ACO1: variants seen among roughly 807,000 people sequenced by gnomAD.
ACO1 encodes the protein aconitase 1.
A neutral mutation model predicts 105.1 loss-of-function variants in ACO1; 78 were observed. That is an observed-to-expected ratio of 0.74 (90% confidence interval 0.62 to 0.90). The LOEUF (loss-of-function observed/expected upper bound fraction) is 0.90, where lower values mean the gene tolerates loss of function less well. ACO1 is among the 40% of genes least tolerant of loss of function. The probability of loss-of-function intolerance (pLI) is 0.00; values close to 1 mark genes in which losing one functional copy is unlikely to be tolerated. For synonymous variants in ACO1, 364 were observed against 397.4 expected (o/e 0.92, Z 1.00); for missense variants, 965 against 1,111.1 (o/e 0.87, Z 1.87).
intron 16 of ACO1, among the ~76,000 whole-genome samples, 192 bp from the exon 17 acceptor site, chr9:32,434,367 A>T (rs1271585101): frequency 6.6e-6 from 1 of 152,218 alleles, no homozygotes; most frequent in Non-Finnish European, 1.5e-5. Context: ...CAAGAGTAAG[A>T]TATGAATGTT....
At position 32,425,821 on chromosome 9, in the gene ACO1, AT is replaced by A. The variant is rs772543828; in HGVS notation, c.1189-11del. On this transcript the variant is annotated splice_polypyrimidine_tract_variant and intron_variant, in intron 10 of 20. Coordinates refer to ENST00000309951, the MANE Select transcript of ACO1 (RefSeq NM_002197.3). ...ATAAATATATTCCTATATAATATAC[AT>A]TTTTTCTTCCTTTAGCAAGGATTTA... 1.8e-5 allele frequency: 28 copies of A among 1,576,172 alleles called. No individual in the cohort carries two copies. The highest frequency in any genetic ancestry group is 2.2e-5 in the Non-Finnish European group (25 of 1,151,760).
At chr9:32,409,795 C>A (rs1401486875) in intron 4 of ACO1, among the ~76,000 whole-genome samples, 1 of 151,732 alleles carries the variant, frequency 6.6e-6, no homozygotes, top group Non-Finnish European at 1.5e-5. Context: ...TTAGGCCATG[C>A]ATACCAGTTG....
chr9:32,414,835 T>G (rs913264703), intron 4 of ACO1, among the ~76,000 whole-genome samples: 1 of 152,154 alleles, frequency 6.6e-6, no homozygotes, highest in Non-Finnish European at 1.5e-5. Context: ...ATTAAATCCA[T>G]TTAGCAGATC....
intron 19 of ACO1, among the ~76,000 whole-genome samples, chr9:32,448,615 C>G (rs1822676790): frequency 6.6e-6 from 1 of 152,180 alleles, no homozygotes; most frequent in African/African-American, 2.4e-5. Context: ...GAGGAAGTTT[C>G]CTGACCCTTT....
At position 32,436,397 on chromosome 9, in the gene ACO1, C is replaced by T. The variant is rs765073565; in HGVS notation, c.2247C>T (p.Ile749=). The change falls in exon 18 of 21, where the codon ATC becomes ATT. Residue 749 remains isoleucine, a splice_region_variant and synonymous_variant. Transcript: ENST00000309951. ...PQTIHLPSGE[I]LDVFDAAERY... ...CTATCCATCTGCCTTCTGGGGAAATCGTGAGTATTGTCTTCTGCTTCCTGC... is the reference window on the plus strand; with the variant it reads ...CTATCCATCTGCCTTCTGGGGAAATTGTGAGTATTGTCTTCTGCTTCCTGC... 30 of 1,613,780 alleles carry T rather than the reference C, an allele frequency of 1.9e-5. No individual in the cohort carries two copies. The highest frequency in any genetic ancestry group is 4.0e-5 in the African/African-American group (3 of 74,922).
intron 18 of ACO1, 21 bp from the exon 19 acceptor site, chr9:32,440,444 A>T (rs1181331280): frequency 1.9e-6 from 3 of 1,612,946 alleles, no homozygotes; most frequent in Non-Finnish European, 2.5e-6. Context: ...CATCTGTAAA[A>T]CTTCCTTTTC....
chr9:32,396,372 C>A (rs998137307), intron 1 of ACO1, among the ~76,000 whole-genome samples: 1 of 152,138 alleles, frequency 6.6e-6, no homozygotes, highest in Non-Finnish European at 1.5e-5. Flanking sequence ...CTACAAACAC[C>A]TAGCTGTACA....
Position 32,439,529 on chromosome 9 carries a change from A to G in ACO1, c.2248-936A>G, listed in dbSNP as rs1034380201. Among the ~76,000 whole-genome samples the G allele has an allele frequency of 6.6e-6, 1 of 152,236 alleles. No individual in the cohort carries two copies. Among genetic ancestry groups the G allele is most frequent in the Non-Finnish European group, 1.5e-5 (1 of 68,040 alleles). On this transcript the variant is annotated intron_variant, in intron 18 of 20. Transcript: ENST00000309951. The surrounding 1 kb of genome is among the most constrained non-coding windows in gnomAD (Gnocchi z 4.0). The stretch of plus-strand genomic sequence containing the variant: ...CTGCTCAACCACCAGAGATGATATC[A>G]TGTCTTTGTAAAGTCTCAGTTCAGT...
intron 12 of ACO1, among the ~76,000 whole-genome samples, chr9:32,428,402 A>G (rs375720215): frequency 1.8e-4 from 27 of 152,226 alleles, no homozygotes; most frequent in African/African-American, 6.0e-4. Flanking sequence ...TTCAGGGGCA[A>G]TAACATCCAT....
intron 4 of ACO1, among the ~76,000 whole-genome samples, chr9:32,414,262 G>A (rs556556331): frequency 1.3e-5 from 2 of 152,294 alleles, no homozygotes; most frequent in South Asian, 4.1e-4. Flanking sequence ...GTAATTCTCA[G>A]AAACTGAACT....
chr9:32,388,505 G>A (rs1214753581), intron 1 of ACO1, among the ~76,000 whole-genome samples: 2 of 152,024 alleles, frequency 1.3e-5, no homozygotes, highest in African/African-American at 2.4e-5. Context: ...CTCCAGCCTG[G>A]GCAATAGAGT....
chr9:32,437,946 A>C (rs190555599), intron 18 of ACO1, among the ~76,000 whole-genome samples: 2 of 152,268 alleles, frequency 1.3e-5, no homozygotes, highest in Admixed American at 1.3e-4. Context: ...TTAAAAAGAG[A>C]ACAGAAAAAA....
chr9:32,388,091 A>C (rs570127017), intron 1 of ACO1, among the ~76,000 whole-genome samples: 7 of 151,756 alleles, frequency 4.6e-5, no homozygotes, highest in Admixed American at 3.3e-4. Flanking sequence ...CTTATTCCCA[A>C]CTCCCTCCCT....
At chr9:32,417,458 G>C (rs985547686) in intron 4 of ACO1, among the ~76,000 whole-genome samples, 6 of 152,162 alleles carry the variant, frequency 3.9e-5, no homozygotes, top group Admixed American at 3.9e-4. Context: ...TTGTGACTAT[G>C]ACTTATTCTA....
At chr9:32,426,670 G>A (rs1249182389) in intron 11 of ACO1, among the ~76,000 whole-genome samples, 1 of 152,124 alleles carries the variant, frequency 6.6e-6, no homozygotes, top group African/African-American at 2.4e-5. Context: ...GAGCAAACCA[G>A]TCTTCTGTAG....
chr9:32,388,290 C>A (rs1373595782), intron 1 of ACO1, among the ~76,000 whole-genome samples: 1 of 152,196 alleles, frequency 6.6e-6, no homozygotes, highest in Non-Finnish European at 1.5e-5. Flanking sequence ...GTAATCCCAG[C>A]ACTTTGAGAG....
chr9:32,400,553 T>C (rs560106634), intron 1 of ACO1, among the ~76,000 whole-genome samples: 5 of 152,300 alleles, frequency 3.3e-5, no homozygotes, highest in African/African-American at 7.2e-5. Context: ...TCTGGAGTTA[T>C]AGTCACAAAT....
intron 4 of ACO1, among the ~76,000 whole-genome samples, chr9:32,413,884 T>C (rs1274478893): frequency 6.6e-6 from 1 of 152,070 alleles, no homozygotes; most frequent in Non-Finnish European, 1.5e-5. Context: ...GCACGGTGGC[T>C]CATGCCTGTA....
chr9:32,407,357 A>G lies in ACO1; in HGVS notation c.194A>G (p.His65Arg). The change falls in exon 3 of 21, where the codon CAT becomes CGT. Residue 65 changes from histidine to arginine, a missense_variant. Transcript: ENST00000309951. ...AAACAGGATATTGAAAATATTCTAC[A>G]TTGGAATGTCACGCAGCACAAGAAC... The part of the protein sequence containing the change: ...VKKQDIENIL[H>R]WNVTQHKNIE... 2 of 1,614,186 alleles carry G rather than the reference A, an allele frequency of 1.2e-6. No individual in the cohort carries two copies. Among genetic ancestry groups the G allele is most frequent in the Admixed American group, 1.7e-5 (1 of 60,020 alleles).
Sources: gnomAD v4.1 joint callset for allele counts (sites outside exome capture counted in the v4.1 genomes callset) on GRCh38, gnomAD v4.1.1 for gene constraint, Gnocchi (gnomAD v3.1) non-coding constraint, MANE v1.5 for transcripts, NCBI Gene and HGNC (gene_info 2026-07-23, HGNC 2026-07-21) for gene names.